The following VPS13B variants were observed in gnomAD, a reference collection of about 807,000 sequenced individuals.
VPS13B encodes the protein vacuolar protein sorting 13 homolog B, also known as intermembrane lipid transfer protein VPS13B.
VPS13B carries 285 observed loss-of-function variants against 426.4 expected under a neutral mutation model. That is an observed-to-expected ratio of 0.67 (90% CI 0.61 to 0.74). VPS13B has a LOEUF of 0.74. Among genes scored for constraint, VPS13B ranks in the 30% least tolerant of loss-of-function variants. VPS13B has a pLI of 0.00. For synonymous variants in VPS13B, 1,676 were observed against 1,676.4 expected (o/e 1.00, Z 0.01); for missense variants, 4,537 against 4,782.6 (o/e 0.95, Z 1.51).
chr8:99,585,481 T>A (rs962912500), intron 33 of VPS13B, among the ~76,000 whole-genome samples: 1 of 152,184 alleles, frequency 6.6e-6, no homozygotes, highest in African/African-American at 2.4e-5. Flanking sequence ...GAATGAATTA[T>A]ACACTATGGC....
At chr8:99,803,693 A>G (rs1813247810) in intron 43 of VPS13B, among the ~76,000 whole-genome samples, 2 of 152,214 alleles carry the variant, frequency 1.3e-5, no homozygotes, top group African/African-American at 4.8e-5. Context: ...AACGTTGAAC[A>G]TCCTGAAATT....
At chr8:99,449,498 A>G (rs1387025807) in intron 23 of VPS13B, among the ~76,000 whole-genome samples, 1 of 152,178 alleles carries the variant, frequency 6.6e-6, no homozygotes, top group Non-Finnish European at 1.5e-5. Context: ...AAAAGATAGG[A>G]TTATCCGAAG....
intron 33 of VPS13B, among the ~76,000 whole-genome samples, chr8:99,631,924 A>G (rs1449241549): frequency 2.6e-5 from 4 of 152,048 alleles, no homozygotes; most frequent in East Asian, 1.9e-4. Flanking sequence ...CATTAGCTCT[A>G]TCTTCAAGAA....
At chr8:99,532,397 C>T (rs1395495696) in intron 30 of VPS13B, among the ~76,000 whole-genome samples, 1 of 152,050 alleles carries the variant, frequency 6.6e-6, no homozygotes, top group Non-Finnish European at 1.5e-5. Flanking sequence ...TTTTGGCAAA[C>T]TTTTGAAAGA....
At position 99,162,701 on chromosome 8, in the gene VPS13B, A is replaced by C. The variant is rs558900457; in HGVS notation, c.2208+5958A>C. On this transcript the variant is annotated intron_variant, in intron 15 of 61. Transcript: ENST00000357162. ...TCGCTGGGCTCAGGAGCGAAGCTGC[A>C]GATCTTCGCGGTGAGTGTTACAGCT... Among the ~76,000 whole-genome samples the C allele has an allele frequency of 1.6e-4, 25 of 152,306 alleles. No homozygotes were observed. The East Asian group carries it at 4.8e-3, about 29-fold the overall frequency.
At position 99,717,340 on chromosome 8, in the gene VPS13B, A is replaced by G; in HGVS notation, c.6624A>G (p.Lys2208=). 1 of 1,614,010 alleles carries G rather than the reference A, an allele frequency of 6.2e-7. No individual in the cohort carries two copies. Among genetic ancestry groups the G allele is most frequent in the Non-Finnish European group, 8.5e-7 (1 of 1,179,964 alleles). ...GNPGPEQSIP[K]ISIDLRGGLL... ...CAGGCCCAGAACAATCCATACCAAA[A>G]ATATCCATTGACTTAAGAGGAGGTC... The change falls in exon 37 of 62, where the codon AAA becomes AAG. Residue 2208 remains lysine (K), a synonymous_variant. Transcript: ENST00000357162.
chr8:99,033,472 C>A (rs1296018048), intron 2 of VPS13B, among the ~76,000 whole-genome samples: 1 of 152,126 alleles, frequency 6.6e-6, no homozygotes. Context: ...TGCTGCTGAG[C>A]CCTTCTAGTG....
chr8:99,577,040 T>A (rs1232104161), intron 32 of VPS13B, among the ~76,000 whole-genome samples: 3 of 152,136 alleles, frequency 2.0e-5, no homozygotes, highest in Non-Finnish European at 4.4e-5. Flanking sequence ...AAGAGCAGGT[T>A]GCCCTTCAAG....
At chr8:99,517,424 C>G (rs1403922058) in intron 29 of VPS13B, among the ~76,000 whole-genome samples, 1 of 151,956 alleles carries the variant, frequency 6.6e-6, no homozygotes, top group Non-Finnish European at 1.5e-5. Context: ...CTCTCTTGCC[C>G]CAAGAAAAGA....
intron 4 of VPS13B, among the ~76,000 whole-genome samples, chr8:99,100,609 A>G (rs981201242): frequency 6.6e-6 from 1 of 152,224 alleles, no homozygotes; most frequent in African/African-American, 2.4e-5. Context: ...TTTTAAAAAG[A>G]TGAACAATCC....
At chr8:99,455,401 C>T (rs1818400875) in intron 23 of VPS13B, among the ~76,000 whole-genome samples, 1 of 151,954 alleles carries the variant, frequency 6.6e-6, no homozygotes, top group Admixed American at 6.6e-5. Flanking sequence ...AGGAAACTTA[C>T]AATTATGGCA....
chr8:99,016,579 A>T (rs1841628372), intron 2 of VPS13B, among the ~76,000 whole-genome samples: 4 of 126,676 alleles, frequency 3.2e-5, no homozygotes, highest in Admixed American at 7.9e-5. Context: ...ATTGATATAT[A>T]GGAATTCTTT....
intron 30 of VPS13B, among the ~76,000 whole-genome samples, chr8:99,542,897 T>C (rs1823706367): frequency 6.6e-6 from 1 of 152,200 alleles, no homozygotes; most frequent in Non-Finnish European, 1.5e-5. Context: ...TGGTACTTTG[T>C]AAGTATTCAG....
chr8:99,875,713 G>GTTTC lies in VPS13B; in HGVS notation c.*51_*54dup, dbSNP rs760390565. On this transcript the variant is annotated 3_prime_UTR_variant, in exon 62 of 62. Transcript: ENST00000357162. ...CCTGCTTGTGTGATTTAGTTTTTGGGTTTCTTTGAGACAGGGTCTCACTGC... is the reference window on the plus strand; with the variant it reads ...CCTGCTTGTGTGATTTAGTTTTTGGGTTTCTTTCTTTGAGACAGGGTCTCACTGC... The GTTTC allele has an allele frequency of 3.1e-6, 5 of 1,613,214 alleles. No individual in the cohort carries two copies. The highest frequency in any genetic ancestry group is 2.2e-5 in the East Asian group (1 of 44,880).
chr8:99,560,404 T>G (rs946514475), intron 31 of VPS13B, among the ~76,000 whole-genome samples: 4 of 152,184 alleles, frequency 2.6e-5, no homozygotes, highest in African/African-American at 9.6e-5. Flanking sequence ...AAGTCTCATT[T>G]GTGTGTGCTC....
intron 33 of VPS13B, among the ~76,000 whole-genome samples, chr8:99,626,644 C>T (rs147262434): frequency 6.6e-6 from 1 of 152,008 alleles, no homozygotes; most frequent in Non-Finnish European, 1.5e-5. Context: ...AACAAGTTTG[C>T]GAGGATGCGG....
rs1191659805 is a variant in VPS13B, at chr8:99,642,035, T to C, written c.5445T>C (p.Phe1815=). ...KNLNFIPFDI[F]ITASRISLMT... ...TAAATTTTATTCCCTTTGACATATT[T>C]ATTACTGCAAGTAGAATCTCACTAA... Residue 1815 remains phenylalanine, a synonymous_variant, in exon 34 of 62, where the codon TTT becomes TTC. Transcript: ENST00000357162. 6.2e-7 allele frequency: 1 copy of C among 1,614,100 alleles called. No individual in the cohort carries two copies. The highest frequency in any genetic ancestry group is 1.7e-5 in the Admixed American group (1 of 59,984).
rs567188815 is a variant in VPS13B, at chr8:99,324,928, C to G, written c.2824+49674C>G. ...TAATTAAAGGCTCTTCCTTCTCCTT[C>G]CATTGTATAATCATATTAAGGTATC... On this transcript the variant is annotated intron_variant, in intron 19 of 61. Coordinates refer to ENST00000357162, the MANE Select transcript of VPS13B (RefSeq NM_152564.5). 4.6e-5 allele frequency among the ~76,000 whole-genome samples: 7 copies of G among 152,132 alleles called. No homozygotes were observed. In the South Asian group the frequency reaches 1.5e-3, roughly 32 times the overall value.
At chr8:99,087,197 G>C (rs1845866576) in intron 3 of VPS13B, among the ~76,000 whole-genome samples, 1 of 152,152 alleles carries the variant, frequency 6.6e-6, no homozygotes, top group African/African-American at 2.4e-5. Flanking sequence ...CTTGCAGTTT[G>C]ATCTCAGACT....
Sources: gnomAD v4.1 joint callset for allele counts (sites outside exome capture counted in the v4.1 genomes callset) on GRCh38, gnomAD v4.1.1 for gene constraint, MANE v1.5 for transcripts, NCBI Gene and HGNC (gene_info 2026-07-23, HGNC 2026-07-21) for gene names.